The following SZT2 variants were observed in gnomAD, a reference collection of about 807,000 sequenced individuals.
SZT2 encodes the protein SZT2 subunit of KICSTOR complex.
Under a neutral mutation model 404.2 loss-of-function variants are expected in SZT2, and 216 were observed. That is an observed-to-expected ratio of 0.53 (90% CI 0.48 to 0.60). SZT2 has a LOEUF of 0.60. Ranked by LOEUF, SZT2 falls within the 20% of genes least tolerant of loss-of-function variation. SZT2 has a pLI of 0.00. For missense variants in SZT2, 3,857 were observed against 4,459.2 expected (o/e 0.86, Z 3.85); for synonymous variants, 1,693 against 1,749.9 (o/e 0.97, Z 0.81).
At position 43,430,570 on chromosome 1, in the gene SZT2, T is replaced by G; in HGVS notation, c.4555T>G (p.Ser1519Ala). Residue 1519 changes from serine (S) to alanine (A), a missense_variant, in exon 32 of 72, where the codon TCA becomes GCA. By Grantham distance (99) the Ser-to-Ala change is moderately conservative. Coordinates refer to ENST00000634258, the MANE Select transcript of SZT2 (RefSeq NM_001365999.1). The stretch of plus-strand genomic sequence containing the variant: ...GGTAGAATACCGGGAGAGCCGTGAA[T>G]CAGACCTGGGGCCTGCTGGGCTAGA... The part of the protein sequence containing the change: ...LEVEYRESRE[S>A]DLGPAGLDSA... The G allele has an allele frequency of 6.2e-7, 1 of 1,614,136 alleles. No individual in the cohort carries two copies. The highest frequency in any genetic ancestry group is 8.5e-7 in the Non-Finnish European group (1 of 1,180,036).
Position 43,425,000 on chromosome 1 carries a change from T to A in SZT2, c.2551-113T>A. ...CCAGAGGATGCTCAAGGTCTGAGGC[T>A]GCAGTCATAGGACAATTTGGTGAGG... On this transcript the variant is annotated intron_variant, in intron 17 of 71. Coordinates refer to ENST00000634258, the MANE Select transcript of SZT2 (RefSeq NM_001365999.1). This position sits in a 1 kb window ranked among gnomAD's most constrained non-coding sequence, Gnocchi z 4.1. 6.6e-7 allele frequency: 1 copy of A among 1,516,354 alleles called. No individual in the cohort carries two copies. Among genetic ancestry groups the A allele is most frequent in the Admixed American group, 1.7e-5 (1 of 59,472 alleles). 93.9% of individuals were successfully genotyped at this position (1,516,354 alleles called of 1,614,324 possible). A position where few individuals can be genotyped will look rare whatever the true frequency, so the allele number is the denominator to read the frequency against.
chr1:43,417,206 G>T (rs1327239357), intron 7 of SZT2, among the ~76,000 whole-genome samples: 1 of 152,214 alleles, frequency 6.6e-6, no homozygotes, highest in Non-Finnish European at 1.5e-5. Flanking sequence ...TTGCTGCTGG[G>T]TGAAGGACGG....
chr1:43,424,988 A>T lies in SZT2; in HGVS notation c.2551-125A>T, dbSNP rs186813996. On this transcript the variant is annotated intron_variant, in intron 17 of 71. Transcript: ENST00000634258. This position sits in a 1 kb window ranked among gnomAD's most constrained non-coding sequence, Gnocchi z 4.1. Reference sequence around the variant, plus strand: ...GGGACCCTGTGGCCAGAGGATGCTCAAGGTCTGAGGCTGCAGTCATAGGAC... The same window carrying T: ...GGGACCCTGTGGCCAGAGGATGCTCTAGGTCTGAGGCTGCAGTCATAGGAC... 8.8e-5 allele frequency: 132 copies of T among 1,501,440 alleles called. 1 individual carries two copies. The East Asian group carries it at 2.5e-3, about 28-fold the overall frequency. The allele number at this position is 1,501,440 out of a possible 1,614,324, so 93.0% of individuals were successfully genotyped here.
chr1:43,398,738 G>C (rs1030003046), intron 1 of SZT2, among the ~76,000 whole-genome samples: 4 of 152,120 alleles, frequency 2.6e-5, no homozygotes, highest in Non-Finnish European at 5.9e-5. Context: ...TTTTCGATGG[G>C]GTGTGGTAGT....
Position 43,421,118 on chromosome 1 carries a change from C to T in SZT2, c.1497-56C>T. 1.9e-6 allele frequency: 3 copies of T among 1,597,076 alleles called. No individual in the cohort carries two copies. The South Asian group carries it at 3.3e-5, about 18-fold the overall frequency. On this transcript the variant is annotated intron_variant, in intron 10 of 71. Coordinates refer to ENST00000634258, the MANE Select transcript of SZT2 (RefSeq NM_001365999.1). The stretch of plus-strand genomic sequence containing the variant: ...GGGTCCCATGTCCCCCTAAGGCTCC[C>T]CTCATCTGCACCCAGCAGAGTCAGA...
At position 43,447,585 on chromosome 1, in the gene SZT2, G is replaced by T. The variant is rs1348799898; in HGVS notation, c.9327G>T (p.Gln3109His). 2 of 1,614,032 alleles carry T rather than the reference G, an allele frequency of 1.2e-6. No individual in the cohort carries two copies. The highest frequency in any genetic ancestry group is 2.7e-5 in the African/African-American group (2 of 74,920). Reference protein sequence around the residue: ...ELPTPLIAAHQLYNYVADHAS... With the variant: ...ELPTPLIAAHHLYNYVADHAS... ...CCACACCACTCATTGCTGCCCACCA[G>T]CTATACAACTACGTGGCTGATCACG... The change falls in exon 67 of 72, where the codon CAG becomes CAT. Residue 3109 changes from glutamine (Q) to histidine (H), a missense_variant. Physicochemically the swap from Gln to His is conservative, Grantham distance 24 (BLOSUM62 0). Coordinates refer to ENST00000634258, the MANE Select transcript of SZT2 (RefSeq NM_001365999.1).
chr1:43,426,726 C>A lies in SZT2; in HGVS notation c.3226C>A (p.Pro1076Thr). The A allele has an allele frequency of 6.2e-7, 1 of 1,611,766 alleles. No homozygotes were observed. Among genetic ancestry groups the A allele is most frequent in the East Asian group, 2.2e-5 (1 of 44,812 alleles). The stretch of plus-strand genomic sequence containing the variant: ...TACCCCCATTGTAGGTGCCGAGGGG[C>A]CACTGCTGGGGGTTCATGGGATCCC... ...RTCHVPGAEGPLLGVHGIPKE... is the reference protein window; with the variant it reads ...RTCHVPGAEGTLLGVHGIPKE... Residue 1076 changes from proline to threonine, a missense_variant, in exon 23 of 72, where the codon CCA (proline) becomes ACA (threonine). Physicochemically the swap from Pro to Thr is conservative, Grantham distance 38. Around this residue, in one of 7 missense-constraint regions of SZT2, gnomAD observed 1,725 missense variants for 1,881.0 expected, o/e 0.92. Transcript: ENST00000634258. The surrounding 1 kb of genome is among the most constrained non-coding windows in gnomAD (Gnocchi z 4.9).
At position 43,451,629 on chromosome 1, in the gene SZT2, C is replaced by T. The variant is rs373978571; in HGVS notation, c.*1149C>T. On this transcript the variant is annotated 3_prime_UTR_variant, in exon 72 of 72. Transcript: ENST00000634258. ...TGTGGGGATTGAAAGGGTGGGAGGG[C>T]AAAGGAAGGTCCTCTCACCAACAAT... The T allele has an allele frequency of 9.9e-6, 16 of 1,613,888 alleles. No homozygotes were observed. Among genetic ancestry groups the T allele is most frequent in the South Asian group, 6.6e-5 (6 of 91,072 alleles).
chr1:43,432,500 G>T lies in SZT2; in HGVS notation c.5443-17G>T. On this transcript the variant is annotated splice_polypyrimidine_tract_variant and intron_variant, in intron 37 of 71. Coordinates refer to ENST00000634258, the MANE Select transcript of SZT2 (RefSeq NM_001365999.1). ...TGTGTGGGGCCTATACCTCAGTCCT[G>T]ACTTCCTATTCCTCAGACCCTGACA... 2.5e-6 allele frequency: 4 copies of T among 1,593,692 alleles called. No individual in the cohort carries two copies. The highest frequency in any genetic ancestry group is 3.4e-6 in the Non-Finnish European group (4 of 1,171,092).
rs1181536638 is a variant in SZT2, at chr1:43,448,919, C to G, written c.10086+191C>G. ...ACAGCATGTGATTCTCTGAGCAGCT[C>G]TGCCCTCAAAGACTCACCAAGAATA... is the stretch of plus-strand genomic sequence containing the variant. On this transcript the variant is annotated intron_variant, in intron 70 of 71. Coordinates refer to ENST00000634258, the MANE Select transcript of SZT2 (RefSeq NM_001365999.1). This position sits in a 1 kb window ranked among gnomAD's most constrained non-coding sequence, Gnocchi z 4.2. 1.6e-6 allele frequency: 1 copy of G among 614,774 alleles called. No homozygotes were observed. Among genetic ancestry groups the G allele is most frequent in the Non-Finnish European group, 2.9e-6 (1 of 346,418 alleles). The allele number at this position is 614,774 out of a possible 1,614,324, so 38.1% of individuals were successfully genotyped here.
In SZT2 at chr1:43,446,996, C is replaced by T; in HGVS notation, c.9114C>T (p.Asp3038=). ...LFTEECDKVR[D]LMHVHSFSYD... ...CAGAGGAGTGTGACAAGGTGCGGGA[C>T]CTGATGCACGTGCACTCGTTCAGCT... The change falls in exon 66 of 72, where the codon GAC becomes GAT. Residue 3038 remains aspartate (D), a synonymous_variant. Transcript: ENST00000634258. 1 of 1,613,686 alleles carries T rather than the reference C, an allele frequency of 6.2e-7. No individual in the cohort carries two copies. Among genetic ancestry groups the T allele is most frequent in the Non-Finnish European group, 8.5e-7 (1 of 1,180,024 alleles).
At chr1:43,413,123 T>G (rs1028974210) in intron 4 of SZT2, among the ~76,000 whole-genome samples, 1 of 152,194 alleles carries the variant, frequency 6.6e-6, no homozygotes, top group African/African-American at 2.4e-5. Flanking sequence ...CAAAATAGGC[T>G]GGGCACGGTG....
chr1:43,433,205 G>C lies in SZT2; in HGVS notation c.5804+15G>C, dbSNP rs1654108589. On this transcript the variant is annotated intron_variant, in intron 40 of 71. Coordinates refer to ENST00000634258, the MANE Select transcript of SZT2 (RefSeq NM_001365999.1). The stretch of plus-strand genomic sequence containing the variant: ...GCACATGCACGGTAAGTAGAAGCCA[G>C]GGCCTGCACCCTCATGCTCCCATTA... The C allele has an allele frequency of 8.7e-6, 14 of 1,611,690 alleles. No homozygotes were observed. Among genetic ancestry groups the C allele is most frequent in the Admixed American group, 1.7e-5 (1 of 60,016 alleles).
chr1:43,427,494 A>G, intron 25 of SZT2, 36 bp from the exon 26 acceptor site: 1 of 1,613,510 alleles, frequency 6.2e-7, no homozygotes, highest in Non-Finnish European at 8.5e-7. Context: ...GGAAACAGAT[A>G]GAGCTGGAAG....
At position 43,420,999 on chromosome 1, in the gene SZT2, A is replaced by G. The variant is rs1652290219; in HGVS notation, c.1496+16A>G. On this transcript the variant is annotated intron_variant, in intron 10 of 71. Transcript: ENST00000634258. The surrounding 1 kb of genome is among the most constrained non-coding windows in gnomAD (Gnocchi z 5.1). Reference sequence around the variant, plus strand: ...CGCTGCAGAGGTCAGTGAAGTCATCACTCAATGAGTGCTGCCCCATTTGTT... The same window carrying G: ...CGCTGCAGAGGTCAGTGAAGTCATCGCTCAATGAGTGCTGCCCCATTTGTT... 1 of 1,597,556 alleles carries G rather than the reference A, an allele frequency of 6.3e-7. No homozygotes were observed. Among genetic ancestry groups the G allele is most frequent in the Non-Finnish European group, 8.5e-7 (1 of 1,179,034 alleles).
At chr1:43,410,093 C>G (rs999583332) in intron 4 of SZT2, 1 of 152,052 alleles carries the variant, frequency 6.6e-6, no homozygotes, top group Non-Finnish European at 1.5e-5. Context: ...AATAGAGAAC[C>G]CAGAAGCCAT....
Position 43,451,879 on chromosome 1 carries a change from C to T in SZT2, c.*1399C>T, listed in dbSNP as rs1290212075. On this transcript the variant is annotated 3_prime_UTR_variant, in exon 72 of 72. Transcript: ENST00000634258. ...GAGAAGCCAGGGAGGGGACCGTGAG[C>T]CTCAAGAGCACAGGAATCAAAAGGG... 1.9e-6 allele frequency: 3 copies of T among 1,613,910 alleles called. No individual in the cohort carries two copies. The highest frequency in any genetic ancestry group is 2.7e-5 in the African/African-American group (2 of 74,918).
Position 43,419,803 on chromosome 1 carries a change from G to T in SZT2, c.949G>T (p.Ala317Ser), listed in dbSNP as rs1373820508. ...CAATGTGGAATTAATGAAGTTCATCGCAATGGCAACATTTGGGTCCTACCT... is the reference window on the plus strand; with the variant it reads ...CAATGTGGAATTAATGAAGTTCATCTCAATGGCAACATTTGGGTCCTACCT... Reference protein sequence around the residue: ...VPNVELMKFIAMATFGSYLST... With the variant: ...VPNVELMKFISMATFGSYLST... The change falls in exon 8 of 72, where the codon GCA (alanine) becomes TCA (serine). Residue 317 changes from alanine (A) to serine (S), a missense_variant. Physicochemically the swap from Ala to Ser is moderately conservative, Grantham distance 99. Coordinates refer to ENST00000634258, the MANE Select transcript of SZT2 (RefSeq NM_001365999.1). 4 of 1,598,288 alleles carry T rather than the reference G, an allele frequency of 2.5e-6. No homozygotes were observed. Among genetic ancestry groups the T allele is most frequent in the Non-Finnish European group, 8.5e-7 (1 of 1,179,806 alleles).
chr1:43,428,033 C>A lies in SZT2; in HGVS notation c.3834C>A (p.Ser1278=). Residue 1278 remains serine (S), a synonymous_variant, in exon 27 of 72, where the codon TCC becomes TCA. Coordinates refer to ENST00000634258, the MANE Select transcript of SZT2 (RefSeq NM_001365999.1). ...RTQFLDHPSP[S]SAWMEPRYKE... Reference sequence around the variant, plus strand: ...AGTTCCTCGACCACCCCTCCCCATCCTCAGCCTGGATGGAACCCCGGTACA... The same window carrying A: ...AGTTCCTCGACCACCCCTCCCCATCATCAGCCTGGATGGAACCCCGGTACA... The A allele has an allele frequency of 6.2e-7, 1 of 1,614,194 alleles. No homozygotes were observed. The highest frequency in any genetic ancestry group is 2.2e-5 in the East Asian group (1 of 44,882).
Sources: gnomAD v4.1 joint callset for allele counts (sites outside exome capture counted in the v4.1 genomes callset) on GRCh38, gnomAD v4.1.1 for gene constraint, gnomAD v4.1.1 regional missense constraint, Gnocchi (gnomAD v3.1) non-coding constraint, MANE v1.5 for transcripts, NCBI Gene and HGNC (gene_info 2026-07-23, HGNC 2026-07-21) for gene names.